SCFD2: variants seen among roughly 807,000 people sequenced by gnomAD.
SCFD2 encodes sec1 family domain-containing protein 2.
In SCFD2, 54 loss-of-function variants were observed where a neutral mutation model predicts 58.9. The observed-to-expected ratio is 0.92, with a 90% CI of 0.74 to 1.15. The LOEUF (loss-of-function observed/expected upper bound fraction) is 1.15. SCFD2 is among the 50% of genes most tolerant of loss of function. The pLI is 0.00. For missense variants in SCFD2, 805 were observed against 836.6 expected (o/e 0.96, Z 0.47); for synonymous variants, 321 against 335.9 (o/e 0.96, Z 0.49).
chr4:52,884,118 C>T (rs1718681128), intron 8 of SCFD2, among the ~76,000 whole-genome samples: 1 of 152,172 alleles, frequency 6.6e-6, no homozygotes, highest in Non-Finnish European at 1.5e-5. Context: ...CCTGGAAAGC[C>T]CCAGCCTTTG....
At chr4:53,156,864 T>C (rs1464403377) in intron 4 of SCFD2, among the ~76,000 whole-genome samples, 1 of 152,254 alleles carries the variant, frequency 6.6e-6, no homozygotes, top group East Asian at 1.9e-4. Context: ...ACTTGTGCAA[T>C]TGTTTTGAGT....
chr4:53,156,412 A>G lies in SCFD2; in HGVS notation c.1312-10830T>C, dbSNP rs1022607393. ...GAGACTCAACTCAAAAAAAAAAAAA[A>G]AAGAAAAGAAAAAAGAGCTCCTGGC... On this transcript the variant is annotated intron_variant, in intron 4 of 8. Transcript: ENST00000401642. 6.2e-4 allele frequency among the ~76,000 whole-genome samples: 93 copies of G among 150,396 alleles called. 2 individuals carry two copies. Among genetic ancestry groups the G allele is most frequent in the Non-Finnish European group, 1.6e-4 (11 of 67,628 alleles).
intron 2 of SCFD2, among the ~76,000 whole-genome samples, chr4:53,315,847 C>G (rs1288699672): frequency 6.6e-6 from 1 of 152,178 alleles, no homozygotes; most frequent in Non-Finnish European, 1.5e-5. Flanking sequence ...TAATTCATCT[C>G]TAAAATCACA....
chr4:53,100,882 C>A (rs965194192), intron 5 of SCFD2, among the ~76,000 whole-genome samples: 7 of 152,134 alleles, frequency 4.6e-5, no homozygotes, highest in African/African-American at 1.7e-4. Context: ...AATCTCATGA[C>A]TATGCAAATA....
chr4:53,306,053 C>T (rs973984199), intron 3 of SCFD2, among the ~76,000 whole-genome samples: 4 of 152,076 alleles, frequency 2.6e-5, no homozygotes, highest in Non-Finnish European at 5.9e-5. Flanking sequence ...GTTCTCAGCC[C>T]CAACTACTCT....
intron 5 of SCFD2, among the ~76,000 whole-genome samples, chr4:53,092,396 A>T (rs1724497923): frequency 6.6e-6 from 1 of 152,200 alleles, no homozygotes; most frequent in African/African-American, 2.4e-5. Context: ...TTTCTTTAAA[A>T]AATAAACATA....
chr4:53,066,462 T>C (rs1469773203), intron 5 of SCFD2, among the ~76,000 whole-genome samples: 1 of 152,104 alleles, frequency 6.6e-6, no homozygotes, highest in Non-Finnish European at 1.5e-5. Context: ...TTTTATGGTA[T>C]GTGTTCAAAT....
chr4:53,307,150 T>C (rs953981078), intron 3 of SCFD2, among the ~76,000 whole-genome samples: 3 of 152,310 alleles, frequency 2.0e-5, no homozygotes, highest in African/African-American at 7.2e-5. Flanking sequence ...GAGAGTGATC[T>C]GGAGGAACAA....
At chr4:53,243,473 A>G (rs935304190) in intron 4 of SCFD2, among the ~76,000 whole-genome samples, 2 of 152,202 alleles carry the variant, frequency 1.3e-5, no homozygotes, top group Non-Finnish European at 2.9e-5. Context: ...AGAATATCTG[A>G]AAAAAACACT....
intron 5 of SCFD2, among the ~76,000 whole-genome samples, chr4:53,008,657 C>T (rs868438288): frequency 4.6e-5 from 7 of 152,204 alleles, no homozygotes; most frequent in African/African-American, 9.6e-5. Context: ...ATGTATAAAA[C>T]GCTCTTCAAA....
intron 3 of SCFD2, 81 bp downstream of exon 3, chr4:53,313,555 G>A: frequency 6.4e-7 from 1 of 1,553,728 alleles, no homozygotes; most frequent in Non-Finnish European, 8.8e-7. Flanking sequence ...TAGATTCCAT[G>A]TTGGCTAGCT....
chr4:52,988,509 G>A (rs1721548858), intron 5 of SCFD2, among the ~76,000 whole-genome samples: 1 of 152,170 alleles, frequency 6.6e-6, no homozygotes, highest in Admixed American at 6.5e-5. Flanking sequence ...TGAAGTCTGA[G>A]GGAGAATGAC....
At chr4:53,101,033 C>T (rs913085261) in intron 5 of SCFD2, among the ~76,000 whole-genome samples, 2 of 152,130 alleles carry the variant, frequency 1.3e-5, no homozygotes, top group East Asian at 1.9e-4. Flanking sequence ...TCGATGGAGA[C>T]AGAAAAATGT....
At chr4:53,115,299 C>A (rs1725289045) in intron 5 of SCFD2, among the ~76,000 whole-genome samples, 1 of 152,014 alleles carries the variant, frequency 6.6e-6, no homozygotes, top group Non-Finnish European at 1.5e-5. Flanking sequence ...CAAGAAAAAA[C>A]TGAAAGAACA....
At chr4:53,343,641 A>G (rs1205689781) in intron 2 of SCFD2, among the ~76,000 whole-genome samples, 1 of 152,194 alleles carries the variant, frequency 6.6e-6, no homozygotes, top group Non-Finnish European at 1.5e-5. Context: ...CCGGGCATAG[A>G]CACAACCAAA....
At chr4:53,289,335 C>A (rs1731766973) in intron 3 of SCFD2, among the ~76,000 whole-genome samples, 1 of 152,152 alleles carries the variant, frequency 6.6e-6, no homozygotes, top group Non-Finnish European at 1.5e-5. Flanking sequence ...CATTGCACTC[C>A]AGCCTGGGCA....
chr4:52,893,271 A>G (rs993369769), intron 7 of SCFD2, among the ~76,000 whole-genome samples: 1 of 147,464 alleles, frequency 6.8e-6, no homozygotes, highest in Non-Finnish European at 1.5e-5. Context: ...TCATCTTGCT[A>G]TGTTGCCCAA....
At chr4:53,174,038 A>G (rs1727256859) in intron 4 of SCFD2, among the ~76,000 whole-genome samples, 2 of 152,192 alleles carry the variant, frequency 1.3e-5, no homozygotes, top group Admixed American at 1.3e-4. Context: ...TATTTTTAAA[A>G]AAGAAGAGTT....
At chr4:52,919,734 C>T (rs554164063) in intron 6 of SCFD2, among the ~76,000 whole-genome samples, 1 of 152,258 alleles carries the variant, frequency 6.6e-6, no homozygotes, top group Non-Finnish European at 1.5e-5. Context: ...AGGAAAAATC[C>T]AATGTAGAAG....
Sources: allele counts gnomAD v4.1 joint callset (sites outside exome capture counted in the v4.1 genomes callset), GRCh38; gene constraint gnomAD v4.1.1; transcripts MANE v1.5; gene names NCBI Gene and HGNC (gene_info 2026-07-23, HGNC 2026-07-21).